CARMIL1: variants seen among roughly 807,000 people sequenced by gnomAD.
CARMIL1 encodes the protein F-actin-uncapping protein LRRC16A.
Under a neutral mutation model 177.1 loss-of-function variants are expected in CARMIL1, and 90 were observed. That is an observed-to-expected ratio of 0.51 (90% confidence interval 0.43 to 0.61). The LOEUF (loss-of-function observed/expected upper bound fraction) is 0.61, where lower values mean the gene tolerates loss of function less well. CARMIL1 is among the 20% of genes least tolerant of loss of function. The pLI, the probability that CARMIL1 is intolerant of heterozygous loss-of-function variation, is 0.00. For missense variants in CARMIL1, 1,380 were observed against 1,667.0 expected (o/e 0.83, Z 3.00); for synonymous variants, 577 against 606.2 (o/e 0.95, Z 0.71).
intron 2 of CARMIL1, among the ~76,000 whole-genome samples, chr6:25,352,265 T>G (rs776587678): frequency 6.6e-6 from 1 of 151,378 alleles, no homozygotes; most frequent in Non-Finnish European, 1.5e-5. Flanking sequence ...ATGGGGACCA[T>G]CAACCTGGTC....
In CARMIL1 at chr6:25,558,577, C is replaced by T. The variant is rs1810839118; in HGVS notation, c.2742+1727C>T. On this transcript the variant is annotated intron_variant, in intron 29 of 36. Coordinates refer to ENST00000329474, the MANE Select transcript of CARMIL1 (RefSeq NM_017640.6). The surrounding 1 kb of genome is among the most constrained non-coding windows in gnomAD (Gnocchi z 4.1). The stretch of plus-strand genomic sequence containing the variant: ...CCACCCTCAGAACTTAAGGGACAGG[C>T]CTGCAGCAGGCACAGCCCCTGTGAG... Among the ~76,000 whole-genome samples the T allele has an allele frequency of 6.6e-6, 1 of 152,158 alleles. No individual in the cohort carries two copies. Among genetic ancestry groups the T allele is most frequent in the African/African-American group, 2.4e-5 (1 of 41,436 alleles).
intron 12 of CARMIL1, among the ~76,000 whole-genome samples, chr6:25,485,900 T>C (rs1192520226): frequency 6.6e-6 from 1 of 151,788 alleles, no homozygotes; most frequent in Non-Finnish European, 1.5e-5. Context: ...TGAATTTGAC[T>C]AGCATTTATA....
At chr6:25,301,760 T>C (rs1782877883) in intron 2 of CARMIL1, among the ~76,000 whole-genome samples, 1 of 152,204 alleles carries the variant, frequency 6.6e-6, no homozygotes, top group Non-Finnish European at 1.5e-5. Context: ...GCAGTTGAAG[T>C]CTGTATTACA....
At chr6:25,337,914 ACT>A (rs1268750270) in intron 2 of CARMIL1, among the ~76,000 whole-genome samples, 1 of 152,064 alleles carries the variant, frequency 6.6e-6, no homozygotes, top group Non-Finnish European at 1.5e-5. Flanking sequence ...TGGTGGGCTC[ACT>A]CCTGTAATCT....
intron 24 of CARMIL1, among the ~76,000 whole-genome samples, chr6:25,529,124 G>C (rs1466049273): frequency 6.6e-6 from 1 of 152,114 alleles, no homozygotes; most frequent in Admixed American, 6.5e-5. Flanking sequence ...AGTAAGATAG[G>C]TTTCTATACA....
At position 25,471,225 on chromosome 6, in the gene CARMIL1, A is replaced by C; in HGVS notation, c.747A>C (p.Glu249Asp). 1 of 1,613,462 alleles carries C rather than the reference A, an allele frequency of 6.2e-7. No homozygotes were observed. Among genetic ancestry groups the C allele is most frequent in the East Asian group, 2.2e-5 (1 of 44,856 alleles). The change falls in exon 10 of 37, where the codon GAA becomes GAC. Residue 249 changes from glutamate to aspartate, a missense_variant. Transcript: ENST00000329474. ...LRVVSRSNRLEELVLENAGLR... is the reference protein window; with the variant it reads ...LRVVSRSNRLDELVLENAGLR... Reference sequence around the variant, plus strand: ...TGGTGAGTAGGTCCAATCGACTGGAAGAATTGGTGTTGGAAAATGCTGGAC... The same window carrying C: ...TGGTGAGTAGGTCCAATCGACTGGACGAATTGGTGTTGGAAAATGCTGGAC...
At chr6:25,371,059 C>T (rs1450385470) in intron 2 of CARMIL1, among the ~76,000 whole-genome samples, 1 of 152,126 alleles carries the variant, frequency 6.6e-6, no homozygotes, top group Non-Finnish European at 1.5e-5. Context: ...GAATAATGGC[C>T]TCCAGCTCCA....
chr6:25,332,295 T>C (rs1785705001), intron 2 of CARMIL1, among the ~76,000 whole-genome samples: 1 of 152,232 alleles, frequency 6.6e-6, no homozygotes, highest in South Asian at 2.1e-4. Context: ...CAAATATTTT[T>C]TGAGTGGTTG....
intron 2 of CARMIL1, among the ~76,000 whole-genome samples, chr6:25,291,139 C>T (rs1454536316): frequency 6.6e-6 from 1 of 152,034 alleles, no homozygotes; most frequent in Non-Finnish European, 1.5e-5. Context: ...ATTTTTTTCC[C>T]CTTGGCTATT....
intron 2 of CARMIL1, among the ~76,000 whole-genome samples, chr6:25,287,983 C>G (rs550985297): frequency 5.3e-5 from 8 of 152,304 alleles, no homozygotes; most frequent in African/African-American, 1.4e-4. Context: ...CTTCATGGGA[C>G]TCGAAGCTTA....
At chr6:25,537,230 T>C (rs898104616) in intron 24 of CARMIL1, among the ~76,000 whole-genome samples, 1 of 152,350 alleles carries the variant, frequency 6.6e-6, no homozygotes, top group African/African-American at 2.4e-5. Flanking sequence ...TGATATTGAC[T>C]TCATTACTAC....
Position 25,620,160 on chromosome 6 carries a change from C to G in CARMIL1, c.*577C>G, listed in dbSNP as rs1325946853. ...CTTGGGTATGGTTTTTACCTTCTCC[C>G]ATGGGGAACTTCTTCCTTCCTGATG... is the stretch of plus-strand genomic sequence containing the variant. On this transcript the variant is annotated 3_prime_UTR_variant, in exon 37 of 37. Coordinates refer to ENST00000329474, the MANE Select transcript of CARMIL1 (RefSeq NM_017640.6). The G allele has an allele frequency of 6.6e-6, 1 of 152,598 alleles. No individual in the cohort carries two copies. The highest frequency in any genetic ancestry group is 1.5e-5 in the Non-Finnish European group (1 of 68,064). 9.5% of individuals were successfully genotyped at this position (152,598 alleles called of 1,614,324 possible). A position where few individuals can be genotyped will look rare whatever the true frequency, so the allele number is the denominator to read the frequency against.
At chr6:25,312,946 C>T (rs9461134) in intron 2 of CARMIL1, among the ~76,000 whole-genome samples, 31,586 of 147,606 alleles carry the variant, frequency 0.21, 4,325 homozygotes, top group East Asian at 0.4. Flanking sequence ...AGGAGGGGAA[C>T]GAGTGGAGAG....
At chr6:25,420,030 A>G in intron 2 of CARMIL1, 84 bp from the exon 3 acceptor site, 1 of 996,626 alleles carries the variant, frequency 1.0e-6, no homozygotes, top group Non-Finnish European at 1.6e-6. Flanking sequence ...AGGTTTCAGT[A>G]TCATTAAAGT....
intron 2 of CARMIL1, among the ~76,000 whole-genome samples, chr6:25,321,096 G>A (rs1784642100): frequency 7.0e-6 from 1 of 142,930 alleles, no homozygotes; most frequent in African/African-American, 2.6e-5. Flanking sequence ...CCACCCATTG[G>A]TTGTCTGGCC....
At chr6:25,530,341 C>T (rs9393649) in intron 24 of CARMIL1, among the ~76,000 whole-genome samples, 27,982 of 152,012 alleles carry the variant, frequency 0.18, 2,806 homozygotes, top group East Asian at 0.4. Flanking sequence ...GAAACCCTGT[C>T]TCTACTAAAC....
At chr6:25,440,087 T>A (rs1017703475) in intron 5 of CARMIL1, among the ~76,000 whole-genome samples, 1 of 152,234 alleles carries the variant, frequency 6.6e-6, no homozygotes, top group African/African-American at 2.4e-5. Context: ...ACTGAGGTTT[T>A]GGATGAGCAC....
chr6:25,415,254 T>C (rs1025596959), intron 2 of CARMIL1, among the ~76,000 whole-genome samples: 5 of 152,054 alleles, frequency 3.3e-5, no homozygotes, highest in African/African-American at 9.7e-5. Context: ...CCTCGAACTC[T>C]TGGACTCAAG....
At chr6:25,604,002 C>T (rs1397074374) in intron 33 of CARMIL1, among the ~76,000 whole-genome samples, 1 of 152,176 alleles carries the variant, frequency 6.6e-6, no homozygotes, top group East Asian at 1.9e-4. Context: ...AAGGAAGACC[C>T]TGCCTATTTC....
Sources: allele counts gnomAD v4.1 joint callset (sites outside exome capture counted in the v4.1 genomes callset), GRCh38; gene constraint gnomAD v4.1.1; non-coding constraint Gnocchi (gnomAD v3.1); transcripts MANE v1.5; gene names NCBI Gene and HGNC (gene_info 2026-07-23, HGNC 2026-07-21).